Variants in YEATS2 observed in about 807,000 individuals in gnomAD.
YEATS2 encodes YEATS domain containing 2.
In YEATS2, 77 loss-of-function variants were observed where a neutral mutation model predicts 163.2. The ratio of observed to expected loss-of-function variants is 0.47; its 90% CI spans 0.39 to 0.57. The LOEUF is 0.57. Among genes scored for constraint, YEATS2 ranks in the 20% least tolerant of loss-of-function variants. The probability of loss-of-function intolerance (pLI) is 0.00; values close to 1 mark genes in which losing one functional copy is unlikely to be tolerated. For missense variants in YEATS2, 1,549 were observed against 1,729.8 expected, an observed-to-expected ratio of 0.90 and a Z score of 1.85; for synonymous variants, 631 against 645.1, an observed-to-expected ratio of 0.98 and a Z score of 0.33.
chr3:183,721,767 TG>T, intron 4 of YEATS2, 123 bp from the exon 5 acceptor site: 1 of 1,269,484 alleles, frequency 7.9e-7, no homozygotes, highest in Non-Finnish European at 1.1e-6. Flanking sequence ...TTTATGGATG[TG>T]GGGAGATTTT....
chr3:183,718,187 G>C (rs1233580178), intron 3 of YEATS2, among the ~76,000 whole-genome samples: 2 of 152,146 alleles, frequency 1.3e-5, no homozygotes, highest in African/African-American at 4.8e-5. Context: ...CATGTGCACT[G>C]TGTACCCACA....
chr3:183,767,025 T>A (rs262954), intron 15 of YEATS2, among the ~76,000 whole-genome samples: 63,793 of 151,978 alleles, frequency 0.42, 14,122 homozygotes, highest in East Asian at 0.65. Flanking sequence ...TAATACAGTC[T>A]TATTTAAGAG....
At position 183,766,875 on chromosome 3, in the gene YEATS2, A is replaced by G. The variant is rs763040854; in HGVS notation, c.1947+4596A>G. Among the ~76,000 whole-genome samples the G allele has an allele frequency of 2.6e-5, 4 of 152,214 alleles. 1 individual carries two copies. The highest frequency in any genetic ancestry group is 7.2e-5 in the African/African-American group (3 of 41,526). On this transcript the variant is annotated intron_variant, in intron 15 of 30. Transcript: ENST00000305135. ...TATTTTGTAGAGACTGGTTTTCACT[A>G]TGTTGCCCAGGCTGGTCTTGAACTC...
rs75353166 is a variant in YEATS2, at chr3:183,754,860, T to A, written c.1390+495T>A. ...TTCTGAGTTGTCTTGTTCACTAAGATTGGATTATCTTTTGCCTTGTGATAG... is the reference window on the plus strand; with the variant it reads ...TTCTGAGTTGTCTTGTTCACTAAGAATGGATTATCTTTTGCCTTGTGATAG... On this transcript the variant is annotated intron_variant, in intron 11 of 30. Coordinates refer to ENST00000305135, the MANE Select transcript of YEATS2 (RefSeq NM_018023.5). 1.5e-3 allele frequency among the ~76,000 whole-genome samples: 228 copies of A among 152,336 alleles called. 2 individuals carry two copies. The highest frequency in any genetic ancestry group is 5.3e-3 in the African/African-American group (222 of 41,572).
chr3:183,787,855 T>A (rs1223674340), intron 20 of YEATS2, among the ~76,000 whole-genome samples: 1 of 150,770 alleles, frequency 6.6e-6, no homozygotes, highest in Non-Finnish European at 1.5e-5. Flanking sequence ...AAAAAAAAAT[T>A]AGCGGGGCGT....
chr3:183,728,811 C>G lies in YEATS2; in HGVS notation c.772C>G (p.Leu258Val). Residue 258 changes from leucine to valine, a missense_variant, in exon 7 of 31, where the codon CTT becomes GTT. Physicochemically the swap from Leu to Val is conservative, Grantham distance 32 (BLOSUM62 1). Transcript: ENST00000305135. The stretch of plus-strand genomic sequence containing the variant: ...TTTTGTCAAGAAGGTTTGGTTCTTC[C>G]TTCATCCTAGCTATAAACCAAATGA... ...NHFVKKVWFF[L>V]HPSYKPNDLV... The G allele has an allele frequency of 6.2e-7, 1 of 1,614,120 alleles. No homozygotes were observed.
chr3:183,807,117 C>A, intron 28 of YEATS2, 25 bp downstream of exon 28: 2 of 1,593,348 alleles, frequency 1.3e-6, no homozygotes, highest in South Asian at 2.3e-5. Context: ...GTTAATAGTT[C>A]ATGCAGCAGA....
chr3:183,761,738 T>G, intron 14 of YEATS2, 124 bp downstream of exon 14: 1 of 874,138 alleles, frequency 1.1e-6, no homozygotes, highest in Non-Finnish European at 1.8e-6. Context: ...TTCTGAGACG[T>G]GCTTCCATGT....
chr3:183,732,394 G>A (rs373152836), intron 7 of YEATS2, among the ~76,000 whole-genome samples: 28 of 150,142 alleles, frequency 1.9e-4, no homozygotes, highest in Middle Eastern at 3.6e-3. Context: ...CACAGGTTGC[G>A]GTGAGCCAAG....
chr3:183,777,537 C>G lies in YEATS2; in HGVS notation c.2578-5C>G. On this transcript the variant is annotated splice_region_variant and splice_polypyrimidine_tract_variant and intron_variant, in intron 18 of 30. Transcript: ENST00000305135. ...ATTAGTTCTTTATATTTTTTTCTAA[C>G]TTAGGGCACATTTTTAGTTGGCCAG... The G allele has an allele frequency of 6.2e-7, 1 of 1,610,738 alleles. No homozygotes were observed. Among genetic ancestry groups the G allele is most frequent in the East Asian group, 2.2e-5 (1 of 44,816 alleles).
chr3:183,751,771 G>T (rs559189447), intron 9 of YEATS2, among the ~76,000 whole-genome samples: 46 of 152,210 alleles, frequency 3.0e-4, no homozygotes, highest in Non-Finnish European at 6.0e-4. Context: ...GCCATGCAAA[G>T]ATTTGGAGGA....
At chr3:183,726,087 T>G (rs1377851056) in intron 6 of YEATS2, among the ~76,000 whole-genome samples, 4 of 151,890 alleles carry the variant, frequency 2.6e-5, no homozygotes, top group Non-Finnish European at 5.9e-5. Context: ...CAGGGAATGT[T>G]TTTTCAAGCT....
chr3:183,809,785 A>G lies in YEATS2; in HGVS notation c.4160+615A>G, dbSNP rs965925579. On this transcript the variant is annotated intron_variant, in intron 30 of 30. Transcript: ENST00000305135. ...TGCTTTTCTTTCGGAGGAAACAAAT[A>G]TTATTTTATTGCATTATGCTAAAGG... 9.8e-5 allele frequency among the ~76,000 whole-genome samples: 15 copies of G among 152,360 alleles called. 1 individual carries two copies. Among genetic ancestry groups the G allele is most frequent in the Admixed American group, 9.8e-4 (15 of 15,302 alleles).
intron 19 of YEATS2, among the ~76,000 whole-genome samples, chr3:183,782,015 T>C (rs1015489774): frequency 5.3e-5 from 8 of 152,376 alleles, no homozygotes; most frequent in South Asian, 4.1e-4. Flanking sequence ...ATGTAGTCTT[T>C]TATGTCTGGC....
Position 183,726,871 on chromosome 3 carries a change from A to G in YEATS2, c.651-1819A>G, listed in dbSNP as rs1717158060. 3.3e-5 allele frequency among the ~76,000 whole-genome samples: 5 copies of G among 152,124 alleles called. No homozygotes were observed. The South Asian group carries it at 1.0e-3, about 32-fold the overall frequency. On this transcript the variant is annotated intron_variant, in intron 6 of 30. Transcript: ENST00000305135. Reference sequence around the variant, plus strand: ...GGTTGGAGTGCAATGGCGCGATCTCAGCTCACTGTACCCTCCACCTCCAGG... The same window carrying G: ...GGTTGGAGTGCAATGGCGCGATCTCGGCTCACTGTACCCTCCACCTCCAGG...
chr3:183,731,027 C>T (rs576515845), intron 7 of YEATS2, among the ~76,000 whole-genome samples: 2 of 152,152 alleles, frequency 1.3e-5, no homozygotes, highest in East Asian at 1.9e-4. Flanking sequence ...ATAGGCTGGG[C>T]GCGGTGGCTC....
intron 2 of YEATS2, 29 bp downstream of exon 2, chr3:183,715,291 C>G (rs1353399934): frequency 6.5e-7 from 1 of 1,529,676 alleles, no homozygotes; most frequent in Middle Eastern, 1.7e-4. Flanking sequence ...GAAATTATTT[C>G]TTTATTGACA....
At chr3:183,793,787 A>T (rs1435117896) in intron 21 of YEATS2, among the ~76,000 whole-genome samples, 1 of 151,638 alleles carries the variant, frequency 6.6e-6, no homozygotes, top group Non-Finnish European at 1.5e-5. Context: ...TAATTCTTGT[A>T]TTTTTAGTAG....
intron 19 of YEATS2, among the ~76,000 whole-genome samples, chr3:183,783,988 C>G (rs1723819468): frequency 6.6e-6 from 1 of 152,074 alleles, no homozygotes; most frequent in African/African-American, 2.4e-5. Flanking sequence ...GTGCAGCACC[C>G]TCGACCTCCT....
Sources: allele counts gnomAD v4.1 joint callset (sites outside exome capture counted in the v4.1 genomes callset), GRCh38; gene constraint gnomAD v4.1.1; transcripts MANE v1.5; gene names NCBI Gene and HGNC (gene_info 2026-07-23, HGNC 2026-07-21).